The following SCUBE1 variants were observed in gnomAD, a reference collection of about 807,000 sequenced individuals.
SCUBE1 encodes signal peptide, CUB and EGF-like domain-containing protein 1.
A neutral mutation model predicts 124.4 loss-of-function variants in SCUBE1; 59 were observed. That is an observed-to-expected ratio of 0.47 (90% confidence interval 0.38 to 0.59). The LOEUF is 0.59. SCUBE1 is among the 20% of genes least tolerant of loss of function. SCUBE1 has a pLI of 0.00. For synonymous variants in SCUBE1, 545 were observed against 550.9 expected, an observed-to-expected ratio of 0.99 and a Z score of 0.15; for missense variants, 1,150 against 1,371.2, an observed-to-expected ratio of 0.84 and a Z score of 2.55.
chr22:43,308,997 C>T (rs1160035494), intron 3 of SCUBE1, among the ~76,000 whole-genome samples: 2 of 152,240 alleles, frequency 1.3e-5, no homozygotes, highest in East Asian at 1.9e-4. Context: ...CAAGAACCAG[C>T]GCAAGAGGCT....
intron 4 of SCUBE1, chr22:43,283,134 T>C (rs1019275619): frequency 6.6e-6 from 1 of 152,296 alleles, no homozygotes; most frequent in African/African-American, 2.4e-5. Flanking sequence ...CACATGTAGA[T>C]TTGGGGACCA....
At chr22:43,208,372 C>G (rs1312670258) in intron 19 of SCUBE1, 148 bp from the exon 20 acceptor site, 1 of 718,262 alleles carries the variant, frequency 1.4e-6, no homozygotes, top group Non-Finnish European at 2.4e-6. Flanking sequence ...TGCTTGCTCC[C>G]TCTGCCTCTG....
chr22:43,219,548 A>G (rs1220598049), intron 14 of SCUBE1, among the ~76,000 whole-genome samples: 1 of 150,228 alleles, frequency 6.7e-6, no homozygotes, highest in Non-Finnish European at 1.5e-5. Context: ...ATCTCAGCTC[A>G]CTGCAATCTC....
At chr22:43,305,225 G>C (rs1925924506) in intron 3 of SCUBE1, among the ~76,000 whole-genome samples, 1 of 152,222 alleles carries the variant, frequency 6.6e-6, no homozygotes, top group Admixed American at 6.5e-5. Context: ...ACTGGACACG[G>C]ACATCAGGAC....
At chr22:43,321,457 C>A (rs1356613706) in intron 2 of SCUBE1, among the ~76,000 whole-genome samples, 1 of 152,222 alleles carries the variant, frequency 6.6e-6, no homozygotes, top group Non-Finnish European at 1.5e-5. Flanking sequence ...AGGTAGTGAG[C>A]TCCCTGACTC....
In SCUBE1 at chr22:43,250,404, C is replaced by T. The variant is rs185990015; in HGVS notation, c.727+7815G>A. On this transcript the variant is annotated intron_variant, in intron 6 of 21. Coordinates refer to ENST00000360835, the MANE Select transcript of SCUBE1 (RefSeq NM_173050.5). ...AGGGACAGGGAAGGCTCAGGGGGCC[C>T]TGTCCCTGCTGGAACCCAAGGTCCC... Among the ~76,000 whole-genome samples, 303 of 152,328 alleles carry T rather than the reference C, an allele frequency of 2.0e-3. 2 individuals are homozygous for T. Among genetic ancestry groups the T allele is most frequent in the African/African-American group, 7.1e-3 (296 of 41,584 alleles).
rs939656335 is a variant in SCUBE1, at chr22:43,220,398, C to G, written c.1687+52G>C. 1.9e-6 allele frequency: 3 copies of G among 1,589,294 alleles called. No homozygotes were observed. In the African/African-American group the frequency reaches 4.0e-5, roughly 21 times the overall value. On this transcript the variant is annotated intron_variant, in intron 14 of 21. Transcript: ENST00000360835. ...GCAGGCCCCCGGCAGCGCCACCAGC[C>G]TGTCGTCCTCCTTCAGGCCTGCAGA...
intron 6 of SCUBE1, among the ~76,000 whole-genome samples, chr22:43,253,956 A>G (rs5751455): frequency 0.063 from 9,522 of 152,124 alleles, 463 homozygotes; most frequent in African/African-American, 0.13. Flanking sequence ...GGCTCCCTCC[A>G]CCTGCCTCCA....
intron 5 of SCUBE1, among the ~76,000 whole-genome samples, chr22:43,259,627 AC>A (rs1923798397): frequency 6.6e-6 from 1 of 152,072 alleles, no homozygotes; most frequent in African/African-American, 2.4e-5. Context: ...GTGATGGGGC[AC>A]CTCAGCCTTG....
At chr22:43,224,280 T>A (rs1922219602) in intron 10 of SCUBE1, among the ~76,000 whole-genome samples, 1 of 152,264 alleles carries the variant, frequency 6.6e-6, no homozygotes, top group Middle Eastern at 3.2e-3. Flanking sequence ...CTCTGAGCTC[T>A]CACTTGCTTT....
chr22:43,337,598 G>A (rs1377705099), intron 2 of SCUBE1, among the ~76,000 whole-genome samples: 1 of 152,332 alleles, frequency 6.6e-6, no homozygotes. Flanking sequence ...GAGGTCTGTG[G>A]GTAGGCGCCA....
intron 3 of SCUBE1, among the ~76,000 whole-genome samples, chr22:43,291,913 C>T (rs146643244): frequency 6.6e-6 from 1 of 152,126 alleles, no homozygotes; most frequent in Non-Finnish European, 1.5e-5. Flanking sequence ...TAAAGTCCTA[C>T]GTATGGTAAG....
Position 43,211,475 on chromosome 22 carries a change from C to T in SCUBE1, c.2222-392G>A, listed in dbSNP as rs1473197251. Among the ~76,000 whole-genome samples the T allele has an allele frequency of 2.0e-5, 3 of 148,754 alleles. No individual in the cohort carries two copies. Among genetic ancestry groups the T allele is most frequent in the South Asian group, 4.2e-4 (2 of 4,722 alleles). On this transcript the variant is annotated intron_variant, in intron 17 of 21. Transcript: ENST00000360835. The surrounding 1 kb of genome is among the most constrained non-coding windows in gnomAD (Gnocchi z 4.5). Reference sequence around the variant, plus strand: ...TGCTGGGGCAGGAGAGACAGGCGGCCGGAGTCTGAGGGGTGCCGGGGCGGG... The same window carrying T: ...TGCTGGGGCAGGAGAGACAGGCGGCTGGAGTCTGAGGGGTGCCGGGGCGGG...
At chr22:43,249,174 G>T (rs1256852346) in intron 6 of SCUBE1, among the ~76,000 whole-genome samples, 2 of 152,118 alleles carry the variant, frequency 1.3e-5, no homozygotes, top group Non-Finnish European at 2.9e-5. Flanking sequence ...AGCATGCAGG[G>T]CCAGAGGAAC....
intron 2 of SCUBE1, 134 bp from the exon 3 acceptor site, chr22:43,320,199 C>G: frequency 5.6e-6 from 6 of 1,076,870 alleles, no homozygotes; most frequent in Non-Finnish European, 8.1e-6. Context: ...TCCCTGGGAG[C>G]TGAGGACTCA....
At position 43,281,442 on chromosome 22, in the gene SCUBE1, C is replaced by T. The variant is rs1043911666; in HGVS notation, c.484+9604G>A. 6.2e-3 allele frequency among the ~76,000 whole-genome samples: 391 copies of T among 63,040 alleles called. 6 individuals are homozygous for T. Among genetic ancestry groups the T allele is most frequent in the Middle Eastern group, 9.6e-3 (1 of 104 alleles). 41.4% of individuals were successfully genotyped at this position (63,040 alleles called of 152,430 possible). ...ATCCTCCTGTCACCTCCCTTGGCCA[C>T]CCTCCTGTCATCTCCCTCAGCCACC... On this transcript the variant is annotated intron_variant, in intron 4 of 21. Transcript: ENST00000360835.
chr22:43,277,047 AC>A (rs1191442240), intron 4 of SCUBE1, among the ~76,000 whole-genome samples: 5 of 152,124 alleles, frequency 3.3e-5, no homozygotes. Flanking sequence ...GACATGAGAG[AC>A]AGGGCAGGGA....
chr22:43,329,531 C>T (rs890448575), intron 2 of SCUBE1, among the ~76,000 whole-genome samples: 1 of 152,252 alleles, frequency 6.6e-6, no homozygotes, highest in African/African-American at 2.4e-5. Flanking sequence ...TCCCTCTGTA[C>T]GAGAGGCAGG....
intron 6 of SCUBE1, among the ~76,000 whole-genome samples, chr22:43,241,456 C>A (rs965550470): frequency 1.3e-5 from 2 of 152,088 alleles, no homozygotes; most frequent in African/African-American, 4.8e-5. Flanking sequence ...CTGGAGGGGA[C>A]CTGCTCCATC....
Sources: allele counts gnomAD v4.1 joint callset (sites outside exome capture counted in the v4.1 genomes callset), GRCh38; gene constraint gnomAD v4.1.1; non-coding constraint Gnocchi (gnomAD v3.1); transcripts MANE v1.5; gene names NCBI Gene and HGNC (gene_info 2026-07-23, HGNC 2026-07-21).